Variants in PCDHA8 observed in about 807,000 individuals in gnomAD.
PCDHA8 encodes protocadherin alpha-8.
A neutral mutation model predicts 61.8 loss-of-function variants in PCDHA8; 53 were observed. The ratio of observed to expected loss-of-function variants is 0.86; its 90% CI spans 0.69 to 1.08. PCDHA8 has a LOEUF of 1.08. PCDHA8 is among the 50% of genes least tolerant of loss of function. PCDHA8 has a pLI of 0.00. For missense variants in PCDHA8, 1,293 were observed against 1,245.0 expected (o/e 1.04, Z -0.58); for synonymous variants, 618 against 556.6 (o/e 1.11, Z -1.55).
chr5:140,970,748 A>G (rs2096429835), intron 1 of PCDHA8, among the ~76,000 whole-genome samples: 1 of 152,130 alleles, frequency 6.6e-6, no homozygotes, highest in African/African-American at 2.4e-5. Context: ...TTTGCAATAT[A>G]TTTTCATTGA....
chr5:140,850,468 C>A, intron 1 of PCDHA8: 2 of 1,597,912 alleles, frequency 1.3e-6, no homozygotes, highest in Non-Finnish European at 8.6e-7. Flanking sequence ...GGGGAGCCAG[C>A]GCTGACGGCC....
At chr5:140,993,466 A>T (rs1374096077) in intron 3 of PCDHA8, among the ~76,000 whole-genome samples, 2 of 45,548 alleles carry the variant, frequency 4.4e-5, no homozygotes, top group African/African-American at 1.2e-4. Flanking sequence ...TCTTTCTCAC[A>T]CACACACACA....
chr5:140,908,836 T>C (rs1206116511), intron 1 of PCDHA8, among the ~76,000 whole-genome samples: 4 of 152,200 alleles, frequency 2.6e-5, no homozygotes, highest in African/African-American at 9.7e-5. Flanking sequence ...ATAAATGGGC[T>C]GGAGTAACAT....
intron 1 of PCDHA8, among the ~76,000 whole-genome samples, chr5:140,933,411 T>C (rs1174569571): frequency 6.6e-6 from 1 of 152,084 alleles, no homozygotes; most frequent in Non-Finnish European, 1.5e-5. Flanking sequence ...CATCTACAGA[T>C]ATTCTGTGTT....
chr5:140,985,505 T>C (rs2097155238), intron 3 of PCDHA8, among the ~76,000 whole-genome samples: 1 of 152,188 alleles, frequency 6.6e-6, no homozygotes, highest in Non-Finnish European at 1.5e-5. Flanking sequence ...CTGCCTTTCA[T>C]TGATTCTGTT....
At chr5:141,003,181 C>T (rs564008062) in intron 3 of PCDHA8, among the ~76,000 whole-genome samples, 8 of 152,328 alleles carry the variant, frequency 5.3e-5, no homozygotes, top group African/African-American at 1.7e-4. Flanking sequence ...AGGCTCAACT[C>T]CATCAACTCA....
chr5:140,879,310 T>A (rs541864795), intron 1 of PCDHA8, among the ~76,000 whole-genome samples: 1 of 152,296 alleles, frequency 6.6e-6, no homozygotes, highest in African/African-American at 2.4e-5. Context: ...AAAGTAGAAG[T>A]TGACTCTCAC....
intron 1 of PCDHA8, among the ~76,000 whole-genome samples, chr5:140,946,631 T>TATATATATATATATACACAC (rs57893927): frequency 7.6e-6 from 1 of 131,856 alleles, no homozygotes; most frequent in East Asian, 2.1e-4. Flanking sequence ...TATATATATA[T>TATATATATATATATACACAC]ACAATGGAAT....
At position 140,955,726 on chromosome 5, in the gene PCDHA8, C is replaced by A. The variant is rs934215613; in HGVS notation, c.2395-23223C>A. Among the ~76,000 whole-genome samples the A allele has an allele frequency of 8.5e-5, 13 of 152,264 alleles. No individual in the cohort carries two copies. In the South Asian group the frequency reaches 2.5e-3, roughly 29 times the overall value. Reference sequence around the variant, plus strand: ...AAGTTTAATAGGAATACCATTGAATCTATAAATTACTTTGAGCATTATTGC... The same window carrying A: ...AAGTTTAATAGGAATACCATTGAATATATAAATTACTTTGAGCATTATTGC... On this transcript the variant is annotated intron_variant, in intron 1 of 3. Coordinates refer to ENST00000531613, the MANE Select transcript of PCDHA8 (RefSeq NM_018911.3).
At chr5:140,989,829 C>A (rs1554251113) in intron 3 of PCDHA8, among the ~76,000 whole-genome samples, 3 of 152,124 alleles carry the variant, frequency 2.0e-5, no homozygotes, top group Non-Finnish European at 2.9e-5. Context: ...TGCCAGGAAG[C>A]CTGTCAATGA....
intron 1 of PCDHA8, among the ~76,000 whole-genome samples, chr5:140,974,549 T>C (rs373257165): frequency 6.6e-6 from 1 of 152,216 alleles, no homozygotes; most frequent in African/African-American, 2.4e-5. Context: ...TTTGCTCTTG[T>C]TGCCCAGGCT....
intron 1 of PCDHA8, chr5:140,876,598 G>T: frequency 6.2e-7 from 1 of 1,614,168 alleles, no homozygotes; most frequent in Non-Finnish European, 8.5e-7. Flanking sequence ...TAGCGTGTCG[G>T]ATCGTGACTC....
rs181858092 is a variant in PCDHA8 at position 140,895,275 on chromosome 5, A to G, written c.2394+51560A>G. The stretch of plus-strand genomic sequence containing the variant: ...TTTCTTTTTTTTCTTACTCAGGGAT[A>G]ATTGAATTAGGACCTTCGATTTCCC... On this transcript the variant is annotated intron_variant, in intron 1 of 3. Transcript: ENST00000531613. 2.0e-5 allele frequency among the ~76,000 whole-genome samples: 3 copies of G among 152,146 alleles called. No individual in the cohort carries two copies. The East Asian group carries it at 5.8e-4, about 29-fold the overall frequency.
At position 140,841,387 on chromosome 5, in the gene PCDHA8, A is replaced by T; in HGVS notation, c.66A>T (p.Ala22=). The change falls in exon 1 of 4, where the codon GCA becomes GCT. Residue 22 remains alanine (A), a synonymous_variant. Transcript: ENST00000531613. ...WRLLLLLLLL[A]AWKVGSGQLH... ...TACTACTCTTGCTTCTGCTCCTCGC[A>T]GCCTGGAAGGTGGGGAGCGGCCAGC... The T allele has an allele frequency of 6.2e-7, 1 of 1,613,470 alleles. No homozygotes were observed.
chr5:140,869,327 T>A, intron 1 of PCDHA8: 1 of 1,613,922 alleles, frequency 6.2e-7, no homozygotes, highest in Middle Eastern at 1.7e-4. Context: ...GGGGACCTTC[T>A]GGAGGTAAAT....
rs1371953272 is a variant in PCDHA8 at position 140,844,555 on chromosome 5, A to G, written c.2394+840A>G. ...ATTCAACCCTTTGTTCATGAGTTGGAATATTTTCAATAATATTCCACATTA... is the reference window on the plus strand; with the variant it reads ...ATTCAACCCTTTGTTCATGAGTTGGGATATTTTCAATAATATTCCACATTA... On this transcript the variant is annotated intron_variant, in intron 1 of 3. Transcript: ENST00000531613. Among the ~76,000 whole-genome samples the G allele has an allele frequency of 6.7e-5, 10 of 149,520 alleles. 1 individual carries two copies. The Admixed American group carries it at 6.7e-4, about 10-fold the overall frequency.
intron 1 of PCDHA8, chr5:140,858,027 C>T: frequency 1.3e-6 from 2 of 1,596,754 alleles, no homozygotes; most frequent in Non-Finnish European, 1.7e-6. Flanking sequence ...TCGCTGACGG[C>T]CACGGCCACT....
intron 1 of PCDHA8, among the ~76,000 whole-genome samples, chr5:140,846,666 G>A (rs1419138961): frequency 6.7e-6 from 1 of 149,080 alleles, no homozygotes; most frequent in Non-Finnish European, 1.5e-5. Flanking sequence ...GAGCCACCGC[G>A]CCCAGCCTAA....
rs782166134 is a variant in PCDHA8 at position 140,929,299 on chromosome 5, G to C, written c.2395-49650G>C. Reference sequence around the variant, plus strand: ...CTGTATTCAGATTCGGAATAGGAAAGGGGATCACGCTAATGTCAATGCCAT... The same window carrying C: ...CTGTATTCAGATTCGGAATAGGAAACGGGATCACGCTAATGTCAATGCCAT... On this transcript the variant is annotated intron_variant, in intron 1 of 3. Coordinates refer to ENST00000531613, the MANE Select transcript of PCDHA8 (RefSeq NM_018911.3). 1.2e-5 allele frequency: 19 copies of C among 1,590,714 alleles called. No individual in the cohort carries two copies. The highest frequency in any genetic ancestry group is 1.6e-5 in the Non-Finnish European group (19 of 1,164,870).
Sources: gnomAD v4.1 joint callset for allele counts (sites outside exome capture counted in the v4.1 genomes callset) on GRCh38, gnomAD v4.1.1 for gene constraint, MANE v1.5 for transcripts, NCBI Gene and HGNC (gene_info 2026-07-23, HGNC 2026-07-21) for gene names.